Variants in HOOK3 observed in about 807,000 individuals in gnomAD.
HOOK3 encodes the protein protein Hook homolog 3.
HOOK3 carries 24 observed loss-of-function variants against 116.3 expected under a neutral mutation model. The ratio of observed to expected loss-of-function variants is 0.21; its 90% CI spans 0.15 to 0.29. The LOEUF (loss-of-function observed/expected upper bound fraction) is 0.29, where lower values mean the gene tolerates loss of function less well. Among genes scored for constraint, HOOK3 ranks in the 10% least tolerant of loss-of-function variants. The probability of loss-of-function intolerance (pLI) is 1.00; values close to 1 mark genes in which losing one functional copy is unlikely to be tolerated. For synonymous variants in HOOK3, 275 were observed against 283.0 expected, an observed-to-expected ratio of 0.97 and a Z score of 0.28; for missense variants, 632 against 830.2, an observed-to-expected ratio of 0.76 and a Z score of 2.93.
In HOOK3 at chr8:43,026,883, C is replaced by CT. The variant is rs924472823; in HGVS notation, c.*8394dup. On this transcript the variant is annotated 3_prime_UTR_variant, in exon 22 of 22. Coordinates refer to ENST00000307602, the MANE Select transcript of HOOK3 (RefSeq NM_032410.4). ...TATGAACTCAGCTGTTTTCTTTTTT[C>CT]TTTTTTTTTCTTTTGAGATGGAGTC... 116 of 194,690 alleles carry CT rather than the reference C, an allele frequency of 6.0e-4. No homozygotes were observed. Among genetic ancestry groups the CT allele is most frequent in the Middle Eastern group, 1.7e-3 (1 of 574 alleles). The allele number at this position is 194,690 out of a possible 1,614,324, so 12.1% of individuals were successfully genotyped here. A position where few individuals can be genotyped will look rare whatever the true frequency, so the allele number is the denominator to read the frequency against.
At chr8:42,932,173 T>C (rs1420898375) in intron 4 of HOOK3, among the ~76,000 whole-genome samples, 1 of 152,156 alleles carries the variant, frequency 6.6e-6, no homozygotes, top group East Asian at 1.9e-4. Flanking sequence ...CAAATAAATA[T>C]TAATTTCCAA....
intron 17 of HOOK3, among the ~76,000 whole-genome samples, chr8:43,007,057 C>A: frequency 9.0e-6 from 1 of 111,392 alleles, no homozygotes; most frequent in South Asian, 3.1e-4. Context: ...GATGGAGTCT[C>A]ACTCTGTCAT....
At chr8:42,984,774 C>T (rs1369871101) in intron 14 of HOOK3, among the ~76,000 whole-genome samples, 1 of 152,106 alleles carries the variant, frequency 6.6e-6, no homozygotes, top group Non-Finnish European at 1.5e-5. Flanking sequence ...TGTGCTAGCA[C>T]ACGCCTGTAA....
chr8:42,955,460 A>G (rs1321612190), intron 6 of HOOK3, among the ~76,000 whole-genome samples: 1 of 152,170 alleles, frequency 6.6e-6, no homozygotes, highest in Non-Finnish European at 1.5e-5. Flanking sequence ...AGTAAGAAAA[A>G]ATGAGGTAAG....
intron 4 of HOOK3, among the ~76,000 whole-genome samples, chr8:42,939,014 A>G (rs1254685706): frequency 6.6e-6 from 1 of 152,150 alleles, no homozygotes; most frequent in Admixed American, 6.5e-5. Context: ...CACATGTTTC[A>G]GAGAGCACAG....
At chr8:42,975,962 C>T (rs1364704942) in intron 13 of HOOK3, among the ~76,000 whole-genome samples, 1 of 152,154 alleles carries the variant, frequency 6.6e-6, no homozygotes, top group African/African-American at 2.4e-5. Flanking sequence ...ACCTCGGCCT[C>T]CCACAGTGCT....
intron 8 of HOOK3, among the ~76,000 whole-genome samples, chr8:42,959,590 G>T (rs1038997864): frequency 3.3e-5 from 5 of 151,624 alleles, no homozygotes; most frequent in Non-Finnish European, 7.4e-5. Context: ...GTGATGGCGG[G>T]CGCCTGTAAT....
intron 5 of HOOK3, among the ~76,000 whole-genome samples, chr8:42,949,107 T>C (rs143506006): frequency 6.6e-6 from 1 of 152,210 alleles, no homozygotes; most frequent in African/African-American, 2.4e-5. Context: ...AAGAGTACTT[T>C]GACAGTTTCA....
At chr8:42,917,562 T>A (rs1807556238) in intron 2 of HOOK3, among the ~76,000 whole-genome samples, 1 of 152,164 alleles carries the variant, frequency 6.6e-6, no homozygotes, top group South Asian at 2.1e-4. Context: ...CTCAGGAAAT[T>A]CCAAGAGTTT....
intron 4 of HOOK3, among the ~76,000 whole-genome samples, chr8:42,939,980 A>G (rs1808072806): frequency 7.0e-6 from 1 of 143,316 alleles, no homozygotes; most frequent in Admixed American, 7.0e-5. Context: ...CCGGGCAGAG[A>G]CACTCCTCAC....
At chr8:43,016,671 GA>G (rs1036373751) in intron 21 of HOOK3, among the ~76,000 whole-genome samples, 2 of 152,020 alleles carry the variant, frequency 1.3e-5, no homozygotes, top group African/African-American at 4.8e-5. Flanking sequence ...TGTGAAAGTG[GA>G]AAAATGAGAA....
intron 2 of HOOK3, among the ~76,000 whole-genome samples, chr8:42,920,354 C>T (rs1222643397): frequency 5.3e-5 from 8 of 152,124 alleles, no homozygotes; most frequent in African/African-American, 1.7e-4. Context: ...ATGGAAGCTA[C>T]GGTTAAATGC....
chr8:42,927,099 A>G (rs1278810159), intron 3 of HOOK3, among the ~76,000 whole-genome samples: 1 of 152,208 alleles, frequency 6.6e-6, no homozygotes, highest in Non-Finnish European at 1.5e-5. Context: ...AACTTAAGAC[A>G]TGTTCAGTTT....
intron 4 of HOOK3, among the ~76,000 whole-genome samples, chr8:42,938,103 C>G (rs1377773799): frequency 6.6e-6 from 1 of 151,950 alleles, no homozygotes; most frequent in Non-Finnish European, 1.5e-5. Context: ...TTTAGGATAG[C>G]TAGCTCTTCT....
At chr8:42,997,368 CAA>C in intron 15 of HOOK3, among the ~76,000 whole-genome samples, 180 bp from the exon 16 acceptor site, 1 of 152,208 alleles carries the variant, frequency 6.6e-6, no homozygotes, top group Non-Finnish European at 1.5e-5. Flanking sequence ...AAATTTCAAG[CAA>C]TACCAAAAAT....
rs1809999320 is a variant in HOOK3 at position 43,029,891 on chromosome 8, TGTTA to T, written c.*11397_*11400del. On this transcript the variant is annotated 3_prime_UTR_variant, in exon 22 of 22. Coordinates refer to ENST00000307602, the MANE Select transcript of HOOK3 (RefSeq NM_032410.4). ...TACCATTGATTGTTCTGTGAATTGT[TGTTA>T]GTTTCATATTTGACATTGTAGTAAT... The T allele has an allele frequency of 4.7e-6, 1 of 214,450 alleles. No homozygotes were observed. The highest frequency in any genetic ancestry group is 5.8e-5 in the Admixed American group (1 of 17,142). The allele number at this position is 214,450 out of a possible 1,614,324, so 13.3% of individuals were successfully genotyped here. A position where few individuals can be genotyped will look rare whatever the true frequency, so the allele number is the denominator to read the frequency against.
chr8:42,917,358 G>A (rs1448138304), intron 2 of HOOK3, among the ~76,000 whole-genome samples: 1 of 152,184 alleles, frequency 6.6e-6, no homozygotes. Flanking sequence ...CATTGGTCAT[G>A]TGATTGAGCT....
intron 9 of HOOK3, among the ~76,000 whole-genome samples, chr8:42,965,467 A>G (rs987042300): frequency 1.3e-5 from 2 of 152,204 alleles, no homozygotes; most frequent in Non-Finnish European, 2.9e-5. Flanking sequence ...GGAAGGAAGA[A>G]GGGCCCTTTG....
chr8:43,021,321 C>T lies in HOOK3; in HGVS notation c.*2823C>T, dbSNP rs192910007. ...TTTACTTCTGACTTTTTTTTCCCCC[C>T]GAGACGGAGCCTCGTTCCGTCACCC... is the stretch of plus-strand genomic sequence containing the variant. On this transcript the variant is annotated 3_prime_UTR_variant, in exon 22 of 22. Transcript: ENST00000307602. 409 of 188,832 alleles carry T rather than the reference C, an allele frequency of 2.2e-3. 1 individual carries two copies. The highest frequency in any genetic ancestry group is 3.4e-3 in the Non-Finnish European group (309 of 89,926). 11.7% of individuals were successfully genotyped at this position (188,832 alleles called of 1,614,324 possible). A position where few individuals can be genotyped will look rare whatever the true frequency, so the allele number is the denominator to read the frequency against.
Sources: gnomAD v4.1 joint callset for allele counts (sites outside exome capture counted in the v4.1 genomes callset) on GRCh38, gnomAD v4.1.1 for gene constraint, MANE v1.5 for transcripts, NCBI Gene and HGNC (gene_info 2026-07-23, HGNC 2026-07-21) for gene names.